Variants in SLC44A1 observed in about 807,000 individuals in gnomAD.
SLC44A1 encodes the protein choline transporter-like protein 1.
SLC44A1 carries 26 observed loss-of-function variants against 79.3 expected under a neutral mutation model. That is an observed-to-expected ratio of 0.33 (90% CI 0.24 to 0.46). The LOEUF (loss-of-function observed/expected upper bound fraction) is 0.46. Ranked by LOEUF, SLC44A1 falls within the 20% of genes least tolerant of loss-of-function variation. SLC44A1 has a pLI of 1.00. For synonymous variants in SLC44A1, 263 were observed against 286.2 expected, an observed-to-expected ratio of 0.92 and a Z score of 0.82; for missense variants, 688 against 798.1, an observed-to-expected ratio of 0.86 and a Z score of 1.66.
At chr9:105,374,180 A>C (rs1321300644) in intron 12 of SLC44A1, among the ~76,000 whole-genome samples, 2 of 152,184 alleles carry the variant, frequency 1.3e-5, no homozygotes, top group Non-Finnish European at 2.9e-5. Context: ...CAGATAAAAC[A>C]CCATAGCAAT....
chr9:105,360,576 C>G (rs1284341947), intron 7 of SLC44A1, among the ~76,000 whole-genome samples: 4 of 152,192 alleles, frequency 2.6e-5, no homozygotes, highest in Non-Finnish European at 5.9e-5. Flanking sequence ...CCTCTTCAGT[C>G]TGGTTCTTTG....
chr9:105,314,961 C>G (rs1831279470), intron 3 of SLC44A1, among the ~76,000 whole-genome samples: 1 of 152,200 alleles, frequency 6.6e-6, no homozygotes, highest in African/African-American at 2.4e-5. Flanking sequence ...TGGAGACAGA[C>G]CAGCACTCAA....
chr9:105,279,350 C>T (rs1830293876), intron 1 of SLC44A1, among the ~76,000 whole-genome samples: 2 of 140,334 alleles, frequency 1.4e-5, no homozygotes, highest in African/African-American at 2.7e-5. Context: ...CGGAGTCTGA[C>T]TCTGTTGCCC....
Position 105,395,790 on chromosome 9 carries a change from A to G in SLC44A1, c.*6734A>G. On this transcript the variant is annotated 3_prime_UTR_variant, in exon 16 of 16. Transcript: ENST00000374720. ...AAAAAAAAAGTAGACATTGAAAAGA[A>G]GACTTGGGAATAATTGGGCAGATAG... is the stretch of plus-strand genomic sequence containing the variant. 1.0e-6 allele frequency: 1 copy of G among 985,334 alleles called. No individual in the cohort carries two copies. The highest frequency in any genetic ancestry group is 4.7e-5 in the South Asian group (1 of 21,282). The allele number at this position is 985,334 out of a possible 1,614,324, so 61.0% of individuals were successfully genotyped here. A position where few individuals can be genotyped will look rare whatever the true frequency, so the allele number is the denominator to read the frequency against.
At chr9:105,372,124 A>T (rs940877225) in intron 12 of SLC44A1, among the ~76,000 whole-genome samples, 1 of 152,226 alleles carries the variant, frequency 6.6e-6, no homozygotes, top group Non-Finnish European at 1.5e-5. Context: ...AAGCAGGTGG[A>T]TGCTAACAGA....
chr9:105,257,281 A>G (rs1476720659), intron 1 of SLC44A1, among the ~76,000 whole-genome samples: 1 of 151,592 alleles, frequency 6.6e-6, no homozygotes, highest in Non-Finnish European at 1.5e-5. Flanking sequence ...TTTCTGGTAG[A>G]GATGGGGTTT....
chr9:105,400,135 C>T (rs551021816), downstream of SLC44A1, among the ~76,000 whole-genome samples: 2 of 151,956 alleles, frequency 1.3e-5, no homozygotes, highest in African/African-American at 4.8e-5. Context: ...GCATACGTTG[C>T]GGTGAGCCGA....
intron 15 of SLC44A1, among the ~76,000 whole-genome samples, chr9:105,427,882 G>C (rs1829343768): frequency 6.6e-6 from 1 of 152,058 alleles, no homozygotes; most frequent in Non-Finnish European, 1.5e-5. Context: ...AAAGATGACA[G>C]CCCTTTGTTA....
In SLC44A1 at chr9:105,397,047, G is replaced by A. The variant is rs1054488200; in HGVS notation, c.*7991G>A. 29 of 984,894 alleles carry A rather than the reference G, an allele frequency of 2.9e-5. No individual in the cohort carries two copies. The highest frequency in any genetic ancestry group is 3.1e-5 in the Non-Finnish European group (26 of 829,618). The allele number at this position is 984,894 out of a possible 1,614,324, so 61.0% of individuals were successfully genotyped here. On this transcript the variant is annotated 3_prime_UTR_variant, in exon 16 of 16. Coordinates refer to ENST00000374720, the MANE Select transcript of SLC44A1 (RefSeq NM_080546.5). ...TGCTCTCAGAGGACTTTAAAAATAT[G>A]TATATTAAGCAATTAACTTTCTGGA...
intron 13 of SLC44A1, among the ~76,000 whole-genome samples, chr9:105,380,509 C>A (rs368401500): frequency 6.6e-6 from 1 of 151,754 alleles, no homozygotes; most frequent in Non-Finnish European, 1.5e-5. Context: ...TAAAGTCATG[C>A]GCCCTATTAA....
intron 15 of SLC44A1, among the ~76,000 whole-genome samples, chr9:105,437,897 C>T (rs1588884628): frequency 6.6e-6 from 1 of 152,182 alleles, no homozygotes; most frequent in Admixed American, 6.5e-5. Flanking sequence ...TGTCAAAGAA[C>T]AATACTAATG....
chr9:105,400,058 G>A (rs1248424081), downstream of SLC44A1, among the ~76,000 whole-genome samples: 2 of 152,020 alleles, frequency 1.3e-5, no homozygotes, highest in African/African-American at 2.4e-5. Flanking sequence ...ATCCGGGCAC[G>A]GTGTCACCTG....
chr9:105,406,087 C>G (rs1829026041), intron 15 of SLC44A1, among the ~76,000 whole-genome samples: 1 of 152,020 alleles, frequency 6.6e-6, no homozygotes, highest in African/African-American at 2.4e-5. Context: ...TAAGCAGTGC[C>G]CCCATAAAGA....
At chr9:105,436,363 A>G (rs983668120) in intron 15 of SLC44A1, among the ~76,000 whole-genome samples, 1 of 152,310 alleles carries the variant, frequency 6.6e-6, no homozygotes. Flanking sequence ...AGGTCCTGTT[A>G]TTTTCAGTAA....
intron 5 of SLC44A1, among the ~76,000 whole-genome samples, chr9:105,354,495 TC>T (rs1476121080): frequency 6.6e-6 from 1 of 152,236 alleles, no homozygotes; most frequent in Non-Finnish European, 1.5e-5. Context: ...TTCAAGCATT[TC>T]TTAGAATGCT....
chr9:105,280,501 A>G (rs577216701), intron 1 of SLC44A1, among the ~76,000 whole-genome samples: 2 of 152,388 alleles, frequency 1.3e-5, no homozygotes, highest in East Asian at 3.9e-4. Flanking sequence ...CATAGTATAA[A>G]TAAGAATTTA....
At position 105,393,273 on chromosome 9, in the gene SLC44A1, C is replaced by T. The variant is rs948410678; in HGVS notation, c.*4217C>T. 1 of 985,432 alleles carries T rather than the reference C, an allele frequency of 1.0e-6. No homozygotes were observed. Among genetic ancestry groups the T allele is most frequent in the Non-Finnish European group, 1.2e-6 (1 of 829,922 alleles). 61.0% of individuals were successfully genotyped at this position (985,432 alleles called of 1,614,324 possible). ...GCCCTTTTGAAAAGTAGGCACTATT[C>T]ATACACAGTAGCTTCTTGGAATTAA... is the stretch of plus-strand genomic sequence containing the variant. On this transcript the variant is annotated 3_prime_UTR_variant, in exon 16 of 16. Transcript: ENST00000374720.
At chr9:105,249,673 C>T (rs568433674) in intron 1 of SLC44A1, among the ~76,000 whole-genome samples, 1 of 150,802 alleles carries the variant, frequency 6.6e-6, no homozygotes, top group African/African-American at 2.4e-5. Context: ...TACAGGTGCT[C>T]GCCACCACAC....
At chr9:105,270,965 C>T (rs1246506092) in intron 1 of SLC44A1, among the ~76,000 whole-genome samples, 1 of 152,222 alleles carries the variant, frequency 6.6e-6, no homozygotes, top group Non-Finnish European at 1.5e-5. Flanking sequence ...ATTAGGTTCC[C>T]TCTTCTAGGG....
Sources: allele counts gnomAD v4.1 joint callset (sites outside exome capture counted in the v4.1 genomes callset), GRCh38; gene constraint gnomAD v4.1.1; transcripts MANE v1.5; gene names NCBI Gene and HGNC (gene_info 2026-07-23, HGNC 2026-07-21).